The following PTAR1 variants were observed in gnomAD, a reference collection of about 807,000 sequenced individuals.
PTAR1 encodes protein prenyltransferase alpha subunit repeat-containing protein 1.
In PTAR1, 17 loss-of-function variants were observed where a neutral mutation model predicts 45.5. The ratio of observed to expected loss-of-function variants is 0.37; its 90% CI spans 0.26 to 0.56. The LOEUF (loss-of-function observed/expected upper bound fraction) is 0.56. Ranked by LOEUF, PTAR1 falls within the 20% of genes least tolerant of loss-of-function variation. PTAR1 has a pLI of 0.77. For synonymous variants in PTAR1, 169 were observed against 171.3 expected, an observed-to-expected ratio of 0.99 and a Z score of 0.11; for missense variants, 391 against 476.3, an observed-to-expected ratio of 0.82 and a Z score of 1.67.
At chr9:69,728,203 ATT>A (rs1026592987) in intron 5 of PTAR1, among the ~76,000 whole-genome samples, 17 of 151,992 alleles carry the variant, frequency 1.1e-4, no homozygotes, top group African/African-American at 4.1e-4. Context: ...GTGAGGTATT[ATT>A]TTTTGGCTAT....
chr9:69,730,288 A>G (rs1825476488), intron 5 of PTAR1, among the ~76,000 whole-genome samples: 2 of 152,168 alleles, frequency 1.3e-5, no homozygotes, highest in Admixed American at 6.5e-5. Context: ...TTAATGAGTT[A>G]TAACTCACCA....
intron 5 of PTAR1, among the ~76,000 whole-genome samples, chr9:69,727,911 T>C (rs1019923725): frequency 1.3e-5 from 2 of 152,158 alleles, no homozygotes; most frequent in Non-Finnish European, 2.9e-5. Context: ...ATTGCTCTTA[T>C]CTAATTTCTA....
At chr9:69,732,426 G>T in intron 4 of PTAR1, 74 bp from the exon 5 acceptor site, 1 of 1,065,850 alleles carries the variant, frequency 9.4e-7, no homozygotes, top group Non-Finnish European at 1.4e-6. Flanking sequence ...AGTTTTCATT[G>T]TTCCTAATTT....
rs13285594 is a variant in PTAR1 at position 69,734,260 on chromosome 9, A to T, written c.324-6T>A. The T allele has an allele frequency of 4.5e-6, 3 of 663,692 alleles. No homozygotes were observed. The highest frequency in any genetic ancestry group is 3.9e-4 in the Middle Eastern group (1 of 2,576). The allele number at this position is 663,692 out of a possible 1,614,324, so 41.1% of individuals were successfully genotyped here. On this transcript the variant is annotated splice_region_variant and splice_polypyrimidine_tract_variant and intron_variant, in intron 3 of 7. Transcript: ENST00000340434. ...CAGAGAGGATCAGCTCTTTCCTGTA[A>T]AAAAAAAAAAAAAAAAAAAAAAAAA...
intron 2 of PTAR1, among the ~76,000 whole-genome samples, chr9:69,748,972 T>G (rs1048966362): frequency 3.9e-5 from 6 of 152,140 alleles, no homozygotes; most frequent in African/African-American, 1.4e-4. Flanking sequence ...GGATGTAGGT[T>G]AGGATCAAAT....
chr9:69,757,654 C>T (rs1448566590), intron 1 of PTAR1: 2 of 151,848 alleles, frequency 1.3e-5, no homozygotes, highest in Non-Finnish European at 2.9e-5. Flanking sequence ...TACAACCGAT[C>T]TTAAGTTTGG....
rs779620305 is a variant in PTAR1, at chr9:69,716,867, A to G, written c.*1475T>C. The stretch of plus-strand genomic sequence containing the variant: ...TAGGGGGTAGAAATCTTGAAGACAC[A>G]CCCCTGAAGTAAGAAAGGAAAGGTA... On this transcript the variant is annotated 3_prime_UTR_variant, in exon 8 of 8. Transcript: ENST00000340434. 6.6e-6 allele frequency: 1 copy of G among 152,114 alleles called. No individual in the cohort carries two copies. Among genetic ancestry groups the G allele is most frequent in the Non-Finnish European group, 1.5e-5 (1 of 68,008 alleles). 9.4% of individuals were successfully genotyped at this position (152,114 alleles called of 1,614,324 possible).
chr9:69,738,913 T>C (rs1174363773), intron 3 of PTAR1, among the ~76,000 whole-genome samples: 1 of 151,736 alleles, frequency 6.6e-6, no homozygotes, highest in Non-Finnish European at 1.5e-5. Flanking sequence ...GTTCAAGCGA[T>C]TCCCCTTCCT....
At chr9:69,737,247 T>A (rs1588465676) in intron 3 of PTAR1, among the ~76,000 whole-genome samples, 1 of 151,978 alleles carries the variant, frequency 6.6e-6, no homozygotes, top group African/African-American at 2.4e-5. Context: ...GTCTAGCTAA[T>A]TTTTTGTATT....
intron 3 of PTAR1, among the ~76,000 whole-genome samples, chr9:69,736,900 TGGA>T (rs1218922740): frequency 1.3e-5 from 2 of 152,160 alleles, no homozygotes; most frequent in Non-Finnish European, 2.9e-5. Flanking sequence ...TGTTAATATA[TGGA>T]CACTGAAAAA....
chr9:69,746,444 T>TG (rs1189356030), intron 2 of PTAR1, among the ~76,000 whole-genome samples: 1 of 152,226 alleles, frequency 6.6e-6, no homozygotes, highest in Non-Finnish European at 1.5e-5. Flanking sequence ...CTTTGCCTTC[T>TG]GCAGGTCAGG....
rs931675316 is a variant in PTAR1 at position 69,714,432 on chromosome 9, G to A, written c.*3910C>T. The stretch of plus-strand genomic sequence containing the variant: ...GGGATTATTAGATTGTTGTACAGTA[G>A]GTGGTATCTGCCATCTTGTGCTATG... On this transcript the variant is annotated 3_prime_UTR_variant, in exon 8 of 8. Coordinates refer to ENST00000340434, the MANE Select transcript of PTAR1 (RefSeq NM_001099666.2). 6.6e-6 allele frequency: 1 copy of A among 151,956 alleles called. No individual in the cohort carries two copies. The highest frequency in any genetic ancestry group is 2.4e-5 in the African/African-American group (1 of 41,380). The allele number at this position is 151,956 out of a possible 1,614,324, so 9.4% of individuals were successfully genotyped here.
At chr9:69,724,201 G>T (rs1279971667) in intron 5 of PTAR1, among the ~76,000 whole-genome samples, 1 of 152,118 alleles carries the variant, frequency 6.6e-6, no homozygotes, top group Non-Finnish European at 1.5e-5. Context: ...CTAATAATAA[G>T]ATTTTTTCAA....
At chr9:69,722,509 A>C (rs1362847198) in intron 6 of PTAR1, among the ~76,000 whole-genome samples, 2 of 152,212 alleles carry the variant, frequency 1.3e-5, no homozygotes, top group African/African-American at 2.4e-5. Context: ...AAAAAGTGTC[A>C]AGAGATTATA....
chr9:69,730,750 C>T (rs1387976089), intron 5 of PTAR1, among the ~76,000 whole-genome samples: 1 of 151,608 alleles, frequency 6.6e-6, no homozygotes, highest in Non-Finnish European at 1.5e-5. Context: ...ACTGCGTATA[C>T]AGGACAGTCG....
rs1299127076 is a variant in PTAR1 at position 69,717,479 on chromosome 9, A to G, written c.*863T>C. 6.6e-6 allele frequency: 1 copy of G among 152,074 alleles called. No individual in the cohort carries two copies. Among genetic ancestry groups the G allele is most frequent in the Non-Finnish European group, 1.5e-5 (1 of 68,032 alleles). The allele number at this position is 152,074 out of a possible 1,614,324, so 9.4% of individuals were successfully genotyped here. A position where few individuals can be genotyped will look rare whatever the true frequency, so the allele number is the denominator to read the frequency against. On this transcript the variant is annotated 3_prime_UTR_variant, in exon 8 of 8. Coordinates refer to ENST00000340434, the MANE Select transcript of PTAR1 (RefSeq NM_001099666.2). ...CTTTACTGCAATTACATAAACTCTT[A>G]AGTTAGTTTTTTCTTAAATAACCAT...
At chr9:69,735,447 A>C (rs903003991) in intron 3 of PTAR1, among the ~76,000 whole-genome samples, 1 of 152,192 alleles carries the variant, frequency 6.6e-6, no homozygotes, top group African/African-American at 2.4e-5. Flanking sequence ...ACAAAGTCTG[A>C]ACATGTTCGC....
In PTAR1 at chr9:69,723,682, T is replaced by C. The variant is rs1007539187; in HGVS notation, c.643-52A>G. ...GAAGAAGAGTTCCCAAAGGTTCTTC[T>C]TTCTCCATTATTGCCTCTGATTTCT... is the stretch of plus-strand genomic sequence containing the variant. On this transcript the variant is annotated intron_variant, in intron 5 of 7. Transcript: ENST00000340434. 1.3e-5 allele frequency: 18 copies of C among 1,380,808 alleles called. No homozygotes were observed. The African/African-American group carries it at 2.2e-4, about 17-fold the overall frequency. The allele number at this position is 1,380,808 out of a possible 1,614,324, so 85.5% of individuals were successfully genotyped here.
At position 69,712,246 on chromosome 9, in the gene PTAR1, A is replaced by C. The variant is rs1052967593; in HGVS notation, c.*6096T>G. 1.3e-5 allele frequency: 2 copies of C among 152,170 alleles called. No individual in the cohort carries two copies. Among genetic ancestry groups the C allele is most frequent in the Non-Finnish European group, 2.9e-5 (2 of 68,014 alleles). The allele number at this position is 152,170 out of a possible 1,614,324, so 9.4% of individuals were successfully genotyped here. On this transcript the variant is annotated 3_prime_UTR_variant, in exon 8 of 8. Coordinates refer to ENST00000340434, the MANE Select transcript of PTAR1 (RefSeq NM_001099666.2). ...TAAAAGGTATGGAAGAAAAGCCAGA[A>C]TGTTATTGTTTGTAAACCACTAAAG...
Sources: gnomAD v4.1 joint callset for allele counts (sites outside exome capture counted in the v4.1 genomes callset) on GRCh38, gnomAD v4.1.1 for gene constraint, MANE v1.5 for transcripts, NCBI Gene and HGNC (gene_info 2026-07-23, HGNC 2026-07-21) for gene names.